The following HIP1 variants were observed in gnomAD, a reference collection of about 807,000 sequenced individuals.
HIP1 encodes huntingtin-interacting protein 1.
In HIP1, 65 loss-of-function variants were observed where a neutral mutation model predicts 147.6. That is an observed-to-expected ratio of 0.44 (90% confidence interval 0.36 to 0.54). HIP1 has a LOEUF of 0.54. Among genes scored for constraint, HIP1 ranks in the 20% least tolerant of loss-of-function variants. The pLI, the probability that HIP1 is intolerant of heterozygous loss-of-function variation, is 0.00. For synonymous variants in HIP1, 479 were observed against 504.0 expected (o/e 0.95, Z 0.67); for missense variants, 1,061 against 1,299.6 (o/e 0.82, Z 2.82).
At chr7:75,733,971 A>T (rs1554523363) in intron 1 of HIP1, among the ~76,000 whole-genome samples, 1 of 151,870 alleles carries the variant, frequency 6.6e-6, no homozygotes, top group Non-Finnish European at 1.5e-5. Context: ...CTAGGCCAGG[A>T]ACGATGGCTT....
intron 1 of HIP1, among the ~76,000 whole-genome samples, chr7:75,645,687 C>T (rs899803266): frequency 3.9e-5 from 6 of 152,144 alleles, no homozygotes; most frequent in African/African-American, 1.4e-4. Context: ...ATGGCATCAA[C>T]CCAGGTGCCC....
chr7:75,639,162 G>A (rs1798552237), intron 1 of HIP1: 2 of 984,374 alleles, frequency 2.0e-6, no homozygotes. Flanking sequence ...CCATGCTGCG[G>A]GGAGGGCGGC....
chr7:75,655,816 G>A (rs1176225507), intron 1 of HIP1, among the ~76,000 whole-genome samples: 1 of 151,956 alleles, frequency 6.6e-6, no homozygotes, highest in Non-Finnish European at 1.5e-5. Context: ...CCACTGAATT[G>A]TATACTTAAA....
chr7:75,611,094 T>C (rs587601130), intron 1 of HIP1, among the ~76,000 whole-genome samples: 1,653 of 151,402 alleles, frequency 0.011, 37 homozygotes, highest in African/African-American at 0.038. Flanking sequence ...TGTATTTTTT[T>C]TTTTAGTAGA....
rs782816560 is a variant in HIP1 at position 75,548,975 on chromosome 7, G to T, written c.2322C>A (p.Ile774=). Residue 774 remains isoleucine (I), a synonymous_variant, in exon 23 of 31, where the codon ATC becomes ATA. Transcript: ENST00000336926. ...GEELLPRGLD[I]KQEELGDLVD... ...CCAGGTCCCCCAGCTCCTCCTGCTTGATGTCCAGTCCCCTGGGCAGGAGCT... is the reference window on the plus strand; with the variant it reads ...CCAGGTCCCCCAGCTCCTCCTGCTTTATGTCCAGTCCCCTGGGCAGGAGCT... The T allele has an allele frequency of 8.1e-6, 13 of 1,613,866 alleles. No individual in the cohort carries two copies. Among genetic ancestry groups the T allele is most frequent in the Non-Finnish European group, 1.1e-5 (13 of 1,179,924 alleles).
intron 1 of HIP1, among the ~76,000 whole-genome samples, chr7:75,644,558 G>A (rs1256434446): frequency 2.6e-5 from 4 of 152,230 alleles, no homozygotes; most frequent in Admixed American, 1.3e-4. Context: ...GCCTCCCAAA[G>A]TGCTGGGATT....
chr7:75,637,926 A>C (rs1554509902), intron 1 of HIP1, among the ~76,000 whole-genome samples: 1 of 150,044 alleles, frequency 6.7e-6, no homozygotes, highest in Non-Finnish European at 1.5e-5. Flanking sequence ...TCTGAACAAG[A>C]TAAACTCAAA....
chr7:75,614,740 A>G (rs1439333655), intron 1 of HIP1, among the ~76,000 whole-genome samples: 2 of 134,360 alleles, frequency 1.5e-5, no homozygotes, highest in Non-Finnish European at 3.1e-5. Context: ...ATTTTGTCAC[A>G]GGAAAAAAAA....
chr7:75,648,885 C>T (rs1206963128), intron 1 of HIP1, among the ~76,000 whole-genome samples: 1 of 152,044 alleles, frequency 6.6e-6, no homozygotes, highest in African/African-American at 2.4e-5. Context: ...ATGGGAGGAT[C>T]GCTTGAGCTC....
chr7:75,558,134 C>G, intron 15 of HIP1, 33 bp downstream of exon 15: 1 of 1,577,854 alleles, frequency 6.3e-7, no homozygotes, highest in Non-Finnish European at 8.7e-7. Context: ...GGTGCAGGGC[C>G]TGCAGGATGG....
intron 1 of HIP1, among the ~76,000 whole-genome samples, chr7:75,681,863 C>T (rs1429092535): frequency 6.6e-6 from 1 of 151,872 alleles, no homozygotes; most frequent in Non-Finnish European, 1.5e-5. Context: ...TCTGTTCACC[C>T]GCCAGACACA....
chr7:75,573,163 A>G (rs1236550463), intron 8 of HIP1, among the ~76,000 whole-genome samples: 2 of 152,162 alleles, frequency 1.3e-5, no homozygotes, highest in Non-Finnish European at 2.9e-5. Context: ...GGCCCATAAA[A>G]GGCCTGAGCT....
chr7:75,545,116 C>A lies in HIP1; in HGVS notation c.2632G>T (p.Ala878Ser). The A allele has an allele frequency of 6.2e-7, 1 of 1,611,408 alleles. No individual in the cohort carries two copies. The highest frequency in any genetic ancestry group is 8.5e-7 in the Non-Finnish European group (1 of 1,178,728). Residue 878 changes from alanine to serine, a missense_variant, in exon 26 of 31, where the codon GCT becomes TCT. Physicochemically the swap from Ala to Ser is moderately conservative, Grantham distance 99 (BLOSUM62 1). Transcript: ENST00000336926. ...WTEGLISASK[A>S]VGWGATVMVD... ...ATGACAGTGGCTCCCCAGCCCACAG[C>A]CTTGGAGGCTGAGATAAGTCCTTCT...
In HIP1 at chr7:75,725,824, AT is replaced by A. The variant is rs60855107; in HGVS notation, c.120+12976del. 3.6e-3 allele frequency among the ~76,000 whole-genome samples: 489 copies of A among 136,488 alleles called. 3 individuals carry two copies. The highest frequency in any genetic ancestry group is 0.011 in the African/African-American group (384 of 36,534). The allele number at this position is 136,488 out of a possible 152,430, so 89.5% of individuals were successfully genotyped here. A position where few individuals can be genotyped will look rare whatever the true frequency, so the allele number is the denominator to read the frequency against. On this transcript the variant is annotated intron_variant, in intron 1 of 30. Transcript: ENST00000336926. ...ATGTCTGTGGGTGCATGTGCTATGC[AT>A]TTTTTTTTTTTTTTTGAGACTGAGT...
In HIP1 at chr7:75,582,085, C is replaced by T. The variant is rs782348540; in HGVS notation, c.532G>A (p.Val178Met). The T allele has an allele frequency of 1.4e-5, 22 of 1,613,686 alleles. No individual in the cohort carries two copies. The highest frequency in any genetic ancestry group is 5.3e-5 in the African/African-American group (4 of 74,930). The change falls in exon 6 of 31, where the codon GTG becomes ATG. Residue 178 changes from valine to methionine, a missense_variant. Transcript: ENST00000336926. The stretch of plus-strand genomic sequence containing the variant: ...GCAGGAGCCACTTACAAGTTGTTCA[C>T]GTCACTTTCTCCAGCCTCGTCCAGC... ...RQLDEAGESD[V>M]NNFFQLTVEM...
At chr7:75,640,783 AAT>A (rs1554510387) in intron 1 of HIP1, among the ~76,000 whole-genome samples, 11 of 141,506 alleles carry the variant, frequency 7.8e-5, no homozygotes, top group African/African-American at 1.6e-4. Flanking sequence ...TAATAATAAT[AAT>A]AAATAATGAA....
intron 1 of HIP1, among the ~76,000 whole-genome samples, chr7:75,631,183 AG>A (rs1243833689): frequency 2.0e-5 from 3 of 151,294 alleles, no homozygotes; most frequent in Non-Finnish European, 4.4e-5. Context: ...TATTTTTCCC[AG>A]GCTGGTCTTG....
chr7:75,570,404 G>C (rs1584811437), intron 8 of HIP1, among the ~76,000 whole-genome samples: 1 of 149,304 alleles, frequency 6.7e-6, no homozygotes. Flanking sequence ...CCATTCTGCT[G>C]CCTCAGCCTC....
At chr7:75,594,077 T>G (rs79319514) in intron 2 of HIP1, among the ~76,000 whole-genome samples, 1,524 of 151,984 alleles carry the variant, frequency 0.01, 30 homozygotes, top group African/African-American at 0.035. Flanking sequence ...AGGTCAGAGT[T>G]TGAGATCAGC....
Sources: gnomAD v4.1 joint callset for allele counts (sites outside exome capture counted in the v4.1 genomes callset) on GRCh38, gnomAD v4.1.1 for gene constraint, MANE v1.5 for transcripts, NCBI Gene and HGNC (gene_info 2026-07-23, HGNC 2026-07-21) for gene names.